CCDC102A: variants seen among roughly 807,000 people sequenced by gnomAD.
CCDC102A encodes the protein coiled-coil domain-containing protein 102A.
A neutral mutation model predicts 55.5 loss-of-function variants in CCDC102A; 40 were observed. The observed-to-expected ratio is 0.72, with a 90% CI of 0.56 to 0.94. The LOEUF is 0.94. Ranked by LOEUF, CCDC102A falls within the 40% of genes least tolerant of loss-of-function variation. The pLI is 0.00. For missense variants in CCDC102A, 779 were observed against 768.6 expected, an observed-to-expected ratio of 1.01 and a Z score of -0.16; for synonymous variants, 323 against 339.0, an observed-to-expected ratio of 0.95 and a Z score of 0.52.
intron 8 of CCDC102A, among the ~76,000 whole-genome samples, 160 bp downstream of exon 8, chr16:57,515,181 C>T (rs569071772): frequency 1.3e-5 from 2 of 152,184 alleles, no homozygotes; most frequent in East Asian, 3.9e-4. Context: ...GGTTTCCTGG[C>T]TCTGGCCCTT....
At chr16:57,515,897 G>A (rs1223350298) in intron 7 of CCDC102A, among the ~76,000 whole-genome samples, 2 of 151,064 alleles carry the variant, frequency 1.3e-5, no homozygotes, top group Non-Finnish European at 2.9e-5. Flanking sequence ...CTCTGTATTC[G>A]TTCTTCCACC....
chr16:57,521,197 G>A (rs2032046409), intron 3 of CCDC102A, 21 bp from the exon 4 acceptor site: 2 of 1,586,456 alleles, frequency 1.3e-6, no homozygotes, highest in African/African-American at 2.7e-5. Context: ...GACAGACATG[G>A]GGGTGAGCCC....
intron 1 of CCDC102A, among the ~76,000 whole-genome samples, chr16:57,530,230 C>T (rs1312975142): frequency 6.6e-6 from 1 of 152,156 alleles, no homozygotes; most frequent in African/African-American, 2.4e-5. Context: ...TTCTCTGTGT[C>T]TCACTTCAGC....
chr16:57,512,616 A>G lies in CCDC102A; in HGVS notation c.*125T>C. On this transcript the variant is annotated 3_prime_UTR_variant, in exon 9 of 9. Transcript: ENST00000258214. ...CTGTTGACGCCATCCCTGGGAGAGAAGAAAGTCGGCTGTGGCAGGGACTGG... is the reference window on the plus strand; with the variant it reads ...CTGTTGACGCCATCCCTGGGAGAGAGGAAAGTCGGCTGTGGCAGGGACTGG... The G allele has an allele frequency of 8.2e-7, 1 of 1,226,796 alleles. No homozygotes were observed. Among genetic ancestry groups the G allele is most frequent in the East Asian group, 2.4e-5 (1 of 41,294 alleles). The allele number at this position is 1,226,796 out of a possible 1,614,324, so 76.0% of individuals were successfully genotyped here. A position where few individuals can be genotyped will look rare whatever the true frequency, so the allele number is the denominator to read the frequency against.
At position 57,516,635 on chromosome 16, in the gene CCDC102A, C is replaced by A; in HGVS notation, c.1249-172G>T. ...CAGCAGTAGAGGTTTGGCTGAGCAG[C>A]CAGAGGCTGGAGGTGCCTTCCAGGG... On this transcript the variant is annotated intron_variant, in intron 6 of 8. Coordinates refer to ENST00000258214, the MANE Select transcript of CCDC102A (RefSeq NM_033212.4). This position sits in a 1 kb window ranked among gnomAD's most constrained non-coding sequence, Gnocchi z 4.4. The A allele has an allele frequency of 3.1e-6, 2 of 636,632 alleles. No homozygotes were observed. The highest frequency in any genetic ancestry group is 3.8e-5 in the South Asian group (2 of 52,360). The allele number at this position is 636,632 out of a possible 1,614,324, so 39.4% of individuals were successfully genotyped here. A position where few individuals can be genotyped will look rare whatever the true frequency, so the allele number is the denominator to read the frequency against.
chr16:57,528,992 CGCGGGCGCGGGGGGCAGGGGCAGT>C lies in CCDC102A; in HGVS notation c.162_185del (p.Pro56_Leu63del), dbSNP rs1253761086. On this transcript the variant is annotated inframe_deletion, in exon 2 of 9. Coordinates refer to ENST00000258214, the MANE Select transcript of CCDC102A (RefSeq NM_033212.4). ...TCTCCCAGTCGCCGTCGGCCAGCAG[CGCGGGCGCGGGGGGCAGGGGCAGT>C]GCGGGCGGCGGCCCGGGCGAGGGCG... 8.7e-7 allele frequency: 1 copy of C among 1,152,606 alleles called. No individual in the cohort carries two copies. Among genetic ancestry groups the C allele is most frequent in the African/African-American group, 1.7e-5 (1 of 59,096 alleles). The allele number at this position is 1,152,606 out of a possible 1,614,324, so 71.4% of individuals were successfully genotyped here. A position where few individuals can be genotyped will look rare whatever the true frequency, so the allele number is the denominator to read the frequency against.
rs1395407400 is a variant in CCDC102A, at chr16:57,516,504, A to T, written c.1249-41T>A. 6.3e-7 allele frequency: 1 copy of T among 1,578,116 alleles called. No individual in the cohort carries two copies. The highest frequency in any genetic ancestry group is 8.6e-7 in the Non-Finnish European group (1 of 1,160,448). ...ATGGGGTGGGAGGGAGGAGGGAATC[A>T]GTATCAGCTTGGGCGCCATGCCAGG... On this transcript the variant is annotated intron_variant, in intron 6 of 8. Coordinates refer to ENST00000258214, the MANE Select transcript of CCDC102A (RefSeq NM_033212.4). The surrounding 1 kb of genome is among the most constrained non-coding windows in gnomAD (Gnocchi z 4.4).
Position 57,529,267 on chromosome 16 carries a change from T to C in CCDC102A, c.-90A>G, listed in dbSNP as rs1424882899. The C allele has an allele frequency of 4.5e-6, 5 of 1,118,032 alleles. No individual in the cohort carries two copies. The highest frequency in any genetic ancestry group is 5.5e-6 in the Non-Finnish European group (5 of 913,718). 69.3% of individuals were successfully genotyped at this position (1,118,032 alleles called of 1,614,324 possible). The stretch of plus-strand genomic sequence containing the variant: ...GCGGCGGGCGCGATACAACTGTGCA[T>C]GATGACGCCGTGCCCCGCTTCCCTC... On this transcript the variant is annotated 5_prime_UTR_variant, in exon 2 of 9. An upstream start codon of the reference 5' UTR is lost. Coordinates refer to ENST00000258214, the MANE Select transcript of CCDC102A (RefSeq NM_033212.4). This position sits in a 1 kb window ranked among gnomAD's most constrained non-coding sequence, Gnocchi z 4.1.
In CCDC102A at chr16:57,528,591, A is replaced by C. The variant is rs750339708; in HGVS notation, c.585+2T>G. On this transcript the variant is annotated splice_donor_variant, in intron 2 of 8. Coordinates refer to ENST00000258214, the MANE Select transcript of CCDC102A (RefSeq NM_033212.4). LOFTEE classifies it high-confidence loss of function. ...CGCGAACGCCCCGCCCGCGCCGCGC[A>C]CCTGGCTGCCTGGCGGCCTCTCGGA... 8.0e-7 allele frequency: 1 copy of C among 1,250,826 alleles called. No individual in the cohort carries two copies. The highest frequency in any genetic ancestry group is 1.0e-6 in the Non-Finnish European group (1 of 990,778). 77.5% of individuals were successfully genotyped at this position (1,250,826 alleles called of 1,614,324 possible). A position where few individuals can be genotyped will look rare whatever the true frequency, so the allele number is the denominator to read the frequency against.
At chr16:57,518,851 G>A (rs568389755) in intron 4 of CCDC102A, 110 bp from the exon 5 acceptor site, 28 of 757,794 alleles carry the variant, frequency 3.7e-5, no homozygotes, top group Admixed American at 1.5e-4. Context: ...CCAAGGCAGC[G>A]CCCAAATGGG....
chr16:57,528,438 G>A (rs1210519127), intron 2 of CCDC102A, among the ~76,000 whole-genome samples, 155 bp downstream of exon 2: 1 of 152,212 alleles, frequency 6.6e-6, no homozygotes, highest in Non-Finnish European at 1.5e-5. Context: ...GAAGGAAAAT[G>A]ATGTGAGGCC....
intron 8 of CCDC102A, 44 bp from the exon 9 acceptor site, chr16:57,512,914 A>G (rs1158655558): frequency 6.3e-7 from 1 of 1,576,834 alleles, no homozygotes; most frequent in Admixed American, 1.7e-5. Context: ...CCTGGCTGGT[A>G]GTCCCCCGAT....
chr16:57,524,048 G>A (rs2032093613), intron 3 of CCDC102A, among the ~76,000 whole-genome samples: 1 of 152,088 alleles, frequency 6.6e-6, no homozygotes, highest in Non-Finnish European at 1.5e-5. Context: ...GTTATGGGAG[G>A]ATGTAGGGAT....
chr16:57,516,416 G>GA lies in CCDC102A; in HGVS notation c.1295dup (p.Gln433ProfsTer20). Reference sequence around the variant, plus strand: ...GTGCCAGCTCTGCCACCTTCTCCTGGAACTGCTTCTTCAGCTTGCCATGCA... The same window carrying GA: ...GTGCCAGCTCTGCCACCTTCTCCTGGAAACTGCTTCTTCAGCTTGCCATGCA... On this transcript the variant is annotated frameshift_variant, in exon 7 of 9. Coordinates refer to ENST00000258214, the MANE Select transcript of CCDC102A (RefSeq NM_033212.4). LOFTEE classifies it high-confidence loss of function. This position sits in a 1 kb window ranked among gnomAD's most constrained non-coding sequence, Gnocchi z 4.4. 2 of 1,609,074 alleles carry GA rather than the reference G, an allele frequency of 1.2e-6. No individual in the cohort carries two copies. Among genetic ancestry groups the GA allele is most frequent in the Admixed American group, 3.3e-5 (2 of 60,006 alleles).
chr16:57,524,658 G>A (rs28455585), intron 3 of CCDC102A, among the ~76,000 whole-genome samples: 39,722 of 151,796 alleles, frequency 0.26, 5,709 homozygotes, highest in African/African-American at 0.38. Flanking sequence ...CTCTTGCCTC[G>A]GAATCCCAAA....
chr16:57,527,775 G>A (rs1185524419), intron 2 of CCDC102A, among the ~76,000 whole-genome samples: 2 of 152,204 alleles, frequency 1.3e-5, no homozygotes, highest in African/African-American at 4.8e-5. Flanking sequence ...AAATATCTTA[G>A]AGGGTTGCTG....
At chr16:57,524,071 C>T (rs1263410523) in intron 3 of CCDC102A, among the ~76,000 whole-genome samples, 2 of 152,076 alleles carry the variant, frequency 1.3e-5, no homozygotes, top group African/African-American at 2.4e-5. Flanking sequence ...CACACAGTGA[C>T]GATGGCAAGA....
At chr16:57,513,393 C>A (rs892647706) in intron 8 of CCDC102A, among the ~76,000 whole-genome samples, 4 of 152,204 alleles carry the variant, frequency 2.6e-5, no homozygotes, top group Non-Finnish European at 4.4e-5. Context: ...AAATGCCGAT[C>A]CCTCCCCCAA....
chr16:57,520,809 G>T (rs76214446), intron 4 of CCDC102A, among the ~76,000 whole-genome samples: 11,884 of 151,268 alleles, frequency 0.079, 602 homozygotes, highest in East Asian at 0.19. Flanking sequence ...GCGTGGTGGC[G>T]GGTGCCTGTA....
Sources: gnomAD v4.1 joint callset for allele counts (sites outside exome capture counted in the v4.1 genomes callset) on GRCh38, gnomAD v4.1.1 for gene constraint, Gnocchi (gnomAD v3.1) non-coding constraint, MANE v1.5 for transcripts, NCBI Gene and HGNC (gene_info 2026-07-23, HGNC 2026-07-21) for gene names.